Variants in ATP6V1B2 observed in about 807,000 individuals in gnomAD.
ATP6V1B2 encodes V-type proton ATPase subunit B, brain isoform.
ATP6V1B2 carries 23 observed loss-of-function variants against 66.7 expected under a neutral mutation model. The observed-to-expected ratio is 0.34, with a 90% confidence interval of 0.25 to 0.49. The LOEUF (loss-of-function observed/expected upper bound fraction) is 0.49. ATP6V1B2 is among the 20% of genes least tolerant of loss of function. ATP6V1B2 has a pLI of 0.99. For missense variants in ATP6V1B2, 478 were observed against 650.8 expected (o/e 0.73, Z 2.89); for synonymous variants, 278 against 236.7 (o/e 1.17, Z -1.60).
Position 20,197,436 on chromosome 8 carries a change from C to A in ATP6V1B2, c.30C>A (p.Val10=). 1.3e-6 allele frequency: 2 copies of A among 1,545,708 alleles called. No homozygotes were observed. Among genetic ancestry groups the A allele is most frequent in the Non-Finnish European group, 1.7e-6 (2 of 1,147,078 alleles). The change falls in exon 1 of 14, where the codon GTC becomes GTA. Residue 10 remains valine (V), a synonymous_variant. Coordinates refer to ENST00000276390, the MANE Select transcript of ATP6V1B2 (RefSeq NM_001693.4). ...CGCTGCGGGCGATGCGGGGGATTGT[C>A]AACGGGGCCGCACCCGAGCTACCCG... MALRAMRGI[V]NGAAPELPVP...
Position 20,212,149 on chromosome 8 carries a change from T to C in ATP6V1B2, c.753T>C (p.Asn251=), listed in dbSNP as rs376378032. Residue 251 remains asparagine (N), a synonymous_variant, in exon 8 of 14, where the codon AAT becomes AAC. Coordinates refer to ENST00000276390, the MANE Select transcript of ATP6V1B2 (RefSeq NM_001693.4). ...TCTTCAAATCTGACTTTGAAGAAAA[T>C]GGCTCAATGGACAATGTCTGCCTCT... ...ARFFKSDFEE[N]GSMDNVCLFL... 2.3e-5 allele frequency: 37 copies of C among 1,613,562 alleles called. No homozygotes were observed. In the Middle Eastern group the frequency reaches 8.2e-4, roughly 36 times the overall value.
chr8:20,211,478 T>C, intron 6 of ATP6V1B2, 162 bp downstream of exon 6: 1 of 1,264,624 alleles, frequency 7.9e-7, no homozygotes, highest in South Asian at 1.5e-5. Flanking sequence ...ACATGTCTTC[T>C]TGCTTACCCT....
At chr8:20,218,566 C>A (rs1296649450) in intron 13 of ATP6V1B2, among the ~76,000 whole-genome samples, 1 of 152,112 alleles carries the variant, frequency 6.6e-6, no homozygotes, top group African/African-American at 2.4e-5. Context: ...GGTACAACTT[C>A]ATTGCCAGTT....
intron 9 of ATP6V1B2, 42 bp from the exon 10 acceptor site, chr8:20,214,776 G>C: frequency 6.4e-7 from 1 of 1,550,964 alleles, no homozygotes; most frequent in South Asian, 1.2e-5. Context: ...CAAGCTTGTT[G>C]TAATATCGTG....
intron 12 of ATP6V1B2, among the ~76,000 whole-genome samples, chr8:20,217,720 C>T (rs925812287): frequency 1.3e-5 from 2 of 152,116 alleles, no homozygotes; most frequent in African/African-American, 4.8e-5. Context: ...CTCTGAAATC[C>T]TTGATTTTTA....
intron 11 of ATP6V1B2, 77 bp from the exon 12 acceptor site, chr8:20,217,143 C>A: frequency 8.3e-7 from 1 of 1,209,844 alleles, no homozygotes; most frequent in Non-Finnish European, 1.2e-6. Flanking sequence ...TAATGAGTTT[C>A]AAATGTTTTT....
At chr8:20,218,413 C>T in intron 13 of ATP6V1B2, 131 bp downstream of exon 13, 2 of 1,222,600 alleles carry the variant, frequency 1.6e-6, no homozygotes, top group Non-Finnish European at 2.2e-6. Flanking sequence ...GCTCTGTCAC[C>T]TGCCTGCCTT....
chr8:20,212,161 C>T lies in ATP6V1B2; in HGVS notation c.765C>T (p.Asp255=). 1 of 1,613,686 alleles carries T rather than the reference C, an allele frequency of 6.2e-7. No individual in the cohort carries two copies. ...ACTTTGAAGAAAATGGCTCAATGGA[C>T]AATGTCTGCCTCTTTTTGAACTTGG... ...KSDFEENGSM[D]NVCLFLNLAN... is the part of the protein sequence containing the mutation. Residue 255 remains aspartate, a synonymous_variant, in exon 8 of 14, where the codon GAC becomes GAT. Transcript: ENST00000276390.
chr8:20,216,166 A>G, intron 10 of ATP6V1B2: 1 of 304,962 alleles, frequency 3.3e-6, no homozygotes, highest in East Asian at 5.6e-5. Flanking sequence ...ATTGAAATTA[A>G]GTTTTTCAGT....
Position 20,197,468 on chromosome 8 carries a change from C to G in ATP6V1B2, c.62C>G (p.Thr21Ser), listed in dbSNP as rs758641785. ...NGAAPELPVP[T>S]GGPAVGAREQ... The stretch of plus-strand genomic sequence containing the variant: ...GCCGCACCCGAGCTACCCGTGCCCA[C>G]CGGTGGGCCGGCGGTGGGAGCTCGG... The change falls in exon 1 of 14, where the codon ACC (threonine) becomes AGC (serine). Residue 21 changes from threonine to serine, a missense_variant. By Grantham distance (58) the Thr-to-Ser change is moderately conservative. Coordinates refer to ENST00000276390, the MANE Select transcript of ATP6V1B2 (RefSeq NM_001693.4). 5 of 1,523,656 alleles carry G rather than the reference C, an allele frequency of 3.3e-6. No homozygotes were observed. The Admixed American group carries it at 8.6e-5, about 26-fold the overall frequency. The allele number at this position is 1,523,656 out of a possible 1,614,324, so 94.4% of individuals were successfully genotyped here. A position where few individuals can be genotyped will look rare whatever the true frequency, so the allele number is the denominator to read the frequency against.
intron 1 of ATP6V1B2, among the ~76,000 whole-genome samples, chr8:20,201,624 C>G (rs1489419229): frequency 6.6e-6 from 1 of 152,096 alleles, no homozygotes; most frequent in African/African-American, 2.4e-5. Flanking sequence ...GAGTACCAAT[C>G]CTAAGATTAA....
rs1585254359 is a variant in ATP6V1B2, at chr8:20,217,076, G to T, written c.1162-144G>T. Reference sequence around the variant, plus strand: ...TTACTACCTTTTCTTGCCAGGAAGAGACAGTAGGATTCATCTAGGAGACAA... The same window carrying T: ...TTACTACCTTTTCTTGCCAGGAAGATACAGTAGGATTCATCTAGGAGACAA... On this transcript the variant is annotated intron_variant, in intron 11 of 13. Coordinates refer to ENST00000276390, the MANE Select transcript of ATP6V1B2 (RefSeq NM_001693.4). The T allele has an allele frequency of 6.1e-6, 4 of 660,294 alleles. No individual in the cohort carries two copies. In the East Asian group the frequency reaches 1.1e-4, roughly 18 times the overall value. 40.9% of individuals were successfully genotyped at this position (660,294 alleles called of 1,614,324 possible). A position where few individuals can be genotyped will look rare whatever the true frequency, so the allele number is the denominator to read the frequency against.
In ATP6V1B2 at chr8:20,212,153, T is replaced by C. The variant is rs1450655704; in HGVS notation, c.757T>C (p.Ser253Pro). 1 of 1,613,682 alleles carries C rather than the reference T, an allele frequency of 6.2e-7. No homozygotes were observed. Among genetic ancestry groups the C allele is most frequent in the Non-Finnish European group, 8.5e-7 (1 of 1,179,776 alleles). ...CAAATCTGACTTTGAAGAAAATGGCTCAATGGACAATGTCTGCCTCTTTTT... is the reference window on the plus strand; with the variant it reads ...CAAATCTGACTTTGAAGAAAATGGCCCAATGGACAATGTCTGCCTCTTTTT... ...FFKSDFEENG[S>P]MDNVCLFLNL... Residue 253 changes from serine to proline, a missense_variant, in exon 8 of 14, where the codon TCA becomes CCA. By Grantham distance (74) the Ser-to-Pro change is moderately conservative. Coordinates refer to ENST00000276390, the MANE Select transcript of ATP6V1B2 (RefSeq NM_001693.4).
chr8:20,211,073 G>A, intron 5 of ATP6V1B2, 104 bp from the exon 6 acceptor site: 1 of 1,428,954 alleles, frequency 7.0e-7, no homozygotes, highest in East Asian at 2.4e-5. Context: ...TGTAGTTCTG[G>A]TCTTCTGGTG....
At chr8:20,210,526 A>T in intron 4 of ATP6V1B2, 43 bp from the exon 5 acceptor site, 4 of 1,609,176 alleles carry the variant, frequency 2.5e-6, no homozygotes, top group Non-Finnish European at 3.4e-6. Context: ...TGAACATTTG[A>T]AAGTCAGCAT....
At position 20,220,568 on chromosome 8, in the gene ATP6V1B2, T is replaced by G; in HGVS notation, c.*166T>G. ...GTGCCAGTGTTGCAACGTTTTAAAC[T>G]GCTAACAGACCTTAAAATATCCCCC... On this transcript the variant is annotated 3_prime_UTR_variant, in exon 14 of 14. Transcript: ENST00000276390. 1.0e-6 allele frequency: 1 copy of G among 998,752 alleles called. No individual in the cohort carries two copies. The highest frequency in any genetic ancestry group is 1.4e-6 in the Non-Finnish European group (1 of 732,138). 61.9% of individuals were successfully genotyped at this position (998,752 alleles called of 1,614,324 possible).
At chr8:20,204,146 C>A in intron 1 of ATP6V1B2, 2 of 385,606 alleles carry the variant, frequency 5.2e-6, no homozygotes, top group Non-Finnish European at 1.0e-5. Flanking sequence ...ATAGTTAGAG[C>A]CCTTATCTCA....
rs775137639 is a variant in ATP6V1B2, at chr8:20,220,253, A to AT, written c.1397-4dup. ...ATTTGCATTTATTAATTCAATCTCA[A>AT]TTTTTTAAGGTCCTTACGAAAATCG... On this transcript the variant is annotated splice_polypyrimidine_tract_variant and intron_variant, in intron 13 of 13. Transcript: ENST00000276390. 7 of 1,602,220 alleles carry AT rather than the reference A, an allele frequency of 4.4e-6. No individual in the cohort carries two copies. Among genetic ancestry groups the AT allele is most frequent in the Non-Finnish European group, 6.0e-6 (7 of 1,176,440 alleles).
chr8:20,218,363 C>T (rs781290599), intron 13 of ATP6V1B2, 81 bp downstream of exon 13: 1 of 1,542,462 alleles, frequency 6.5e-7, no homozygotes, highest in Non-Finnish European at 8.8e-7. Flanking sequence ...AGAAAATTCT[C>T]ATTGGTTTCT....
Sources: gnomAD v4.1 joint callset for allele counts (sites outside exome capture counted in the v4.1 genomes callset) on GRCh38, gnomAD v4.1.1 for gene constraint, MANE v1.5 for transcripts, NCBI Gene and HGNC (gene_info 2026-07-23, HGNC 2026-07-21) for gene names.